The following PLCG2 variants were observed in gnomAD, a reference collection of about 807,000 sequenced individuals.
The protein encoded by PLCG2 is 1-phosphatidylinositol 4,5-bisphosphate phosphodiesterase gamma-2.
Under a neutral mutation model 175.6 loss-of-function variants are expected in PLCG2, and 69 were observed. That is an observed-to-expected ratio of 0.39 (90% CI 0.32 to 0.48). PLCG2 has a LOEUF of 0.48. Among genes scored for constraint, PLCG2 ranks in the 20% least tolerant of loss-of-function variants. The pLI is 0.91. For synonymous variants in PLCG2, 827 were observed against 624.0 expected (o/e 1.33, Z -4.85); for missense variants, 1,798 against 1,650.9 (o/e 1.09, Z -1.54).
At chr16:81,794,118 C>A (rs939552974) in intron 2 of PLCG2, among the ~76,000 whole-genome samples, 1 of 152,082 alleles carries the variant, frequency 6.6e-6, no homozygotes, top group Non-Finnish European at 1.5e-5. Flanking sequence ...AGAAAGGAGA[C>A]TCAGTGCTCA....
At chr16:81,760,626 A>G (rs1910017324) in intron 2 of PLCG2, among the ~76,000 whole-genome samples, 1 of 152,008 alleles carries the variant, frequency 6.6e-6, no homozygotes, top group African/African-American at 2.4e-5. Context: ...TAATACTTAT[A>G]TGGGCTGAGC....
chr16:81,832,296 C>T (rs1468411495), intron 2 of PLCG2, among the ~76,000 whole-genome samples: 1 of 152,196 alleles, frequency 6.6e-6, no homozygotes, highest in Non-Finnish European at 1.5e-5. Flanking sequence ...ACATGGCAGC[C>T]ACATTTTAGG....
chr16:81,954,915 A>C (rs780602114), intron 31 of PLCG2, among the ~76,000 whole-genome samples: 2 of 152,186 alleles, frequency 1.3e-5, no homozygotes, highest in African/African-American at 2.4e-5. Context: ...GAACCACCAT[A>C]CTGTCTTCCA....
intron 2 of PLCG2, among the ~76,000 whole-genome samples, chr16:81,819,703 G>C (rs1467666273): frequency 2.6e-5 from 4 of 152,164 alleles, no homozygotes; most frequent in Non-Finnish European, 5.9e-5. Context: ...TCCTGCCTCA[G>C]CCTCCTGAGC....
rs142140333 is a variant in PLCG2, at chr16:81,870,887, A to G, written c.600A>G (p.Glu200=). Residue 200 remains glutamate (E), a synonymous_variant, in exon 7 of 33, where the codon GAA becomes GAG. Transcript: ENST00000564138. ...CACACAAAGATGAGCTCAGCTTTGA[A>G]CAGTTCCATCTCTTCTATAAAAAAC... The part of the protein sequence containing the change: ...IGAHKDELSF[E]QFHLFYKKLM... 780 of 1,604,984 alleles carry G rather than the reference A, an allele frequency of 4.9e-4. 4 individuals carry two copies. In the African/African-American group the frequency reaches 9.3e-3, roughly 19 times the overall value.
intron 2 of PLCG2, among the ~76,000 whole-genome samples, chr16:81,808,139 C>T (rs1389888176): frequency 6.6e-6 from 1 of 152,200 alleles, no homozygotes; most frequent in African/African-American, 2.4e-5. Context: ...GTTTTCCTTT[C>T]TCTTGGGTGT....
At chr16:81,936,597 T>C (rs1055485020) in intron 27 of PLCG2, among the ~76,000 whole-genome samples, 4 of 152,082 alleles carry the variant, frequency 2.6e-5, no homozygotes, top group African/African-American at 9.7e-5. Flanking sequence ...GGCTTCGTGA[T>C]TGTAAGTAAG....
At chr16:81,891,997 G>A (rs1325379750) in intron 11 of PLCG2, among the ~76,000 whole-genome samples, 3 of 152,220 alleles carry the variant, frequency 2.0e-5, no homozygotes, top group Non-Finnish European at 4.4e-5. Flanking sequence ...ATGTGGCTGT[G>A]AACCGGCAGC....
At chr16:81,838,002 A>G (rs1452882104) in intron 2 of PLCG2, among the ~76,000 whole-genome samples, 1 of 152,238 alleles carries the variant, frequency 6.6e-6, no homozygotes, top group Non-Finnish European at 1.5e-5. Flanking sequence ...ATCATAGTCA[A>G]GAGACTAAAG....
At chr16:81,788,899 C>T (rs932860324) in intron 2 of PLCG2, among the ~76,000 whole-genome samples, 1 of 152,186 alleles carries the variant, frequency 6.6e-6, no homozygotes, top group African/African-American at 2.4e-5. Context: ...TCCCTTCCCC[C>T]ACAAGGGGTG....
chr16:81,860,970 C>T (rs1906950850), intron 5 of PLCG2, among the ~76,000 whole-genome samples: 1 of 151,976 alleles, frequency 6.6e-6, no homozygotes, highest in Non-Finnish European at 1.5e-5. Flanking sequence ...GAGCAAGACT[C>T]CGTCTCAAAA....
intron 19 of PLCG2, among the ~76,000 whole-genome samples, chr16:81,913,451 C>T (rs772691018): frequency 2.0e-5 from 3 of 152,228 alleles, no homozygotes; most frequent in African/African-American, 7.2e-5. Flanking sequence ...GGTTAAGTGA[C>T]CTGCCTGGAG....
intron 7 of PLCG2, among the ~76,000 whole-genome samples, chr16:81,871,276 G>A (rs1907500871): frequency 6.6e-6 from 1 of 152,144 alleles, no homozygotes; most frequent in Non-Finnish European, 1.5e-5. Flanking sequence ...TTTAGCAAAT[G>A]GCTGTTATTA....
chr16:81,878,386 A>T (rs949886913), intron 7 of PLCG2, among the ~76,000 whole-genome samples: 3 of 152,134 alleles, frequency 2.0e-5, no homozygotes, highest in Non-Finnish European at 4.4e-5. Context: ...CCCTAATTCC[A>T]AAGAAGGTCA....
intron 7 of PLCG2, among the ~76,000 whole-genome samples, chr16:81,874,620 C>T (rs1356354598): frequency 6.6e-6 from 1 of 152,178 alleles, no homozygotes; most frequent in African/African-American, 2.4e-5. Context: ...ATTTCTCAGG[C>T]TCCTGCAGGA....
chr16:81,941,065 A>T (rs1555522980), intron 30 of PLCG2, among the ~76,000 whole-genome samples: 2 of 152,240 alleles, frequency 1.3e-5, no homozygotes, highest in Non-Finnish European at 2.9e-5. Flanking sequence ...AAAAAAATAC[A>T]GTCTTTTGAT....
intron 31 of PLCG2, among the ~76,000 whole-genome samples, chr16:81,950,013 A>G (rs867371021): frequency 1.3e-5 from 2 of 152,192 alleles, no homozygotes; most frequent in Admixed American, 6.5e-5. Context: ...TGAAAAACAG[A>G]CAAGAAATAA....
chr16:81,957,736 C>G (rs1462753401), intron 32 of PLCG2, among the ~76,000 whole-genome samples: 1 of 152,106 alleles, frequency 6.6e-6, no homozygotes, highest in Non-Finnish European at 1.5e-5. Context: ...TCATGTCAGC[C>G]TGCAGAGTAG....
intron 2 of PLCG2, among the ~76,000 whole-genome samples, chr16:81,758,064 C>G (rs576985896): frequency 6.6e-6 from 1 of 152,190 alleles, no homozygotes; most frequent in Non-Finnish European, 1.5e-5. Context: ...CAGCTTCCAC[C>G]TCACGGGCTC....
Sources: allele counts gnomAD v4.1 joint callset (sites outside exome capture counted in the v4.1 genomes callset), GRCh38; gene constraint gnomAD v4.1.1; transcripts MANE v1.5; gene names NCBI Gene and HGNC (gene_info 2026-07-23, HGNC 2026-07-21).